SH2D1A: variants seen among roughly 807,000 people sequenced by gnomAD.
The protein encoded by SH2D1A is SH2 domain containing 1A.
A neutral mutation model predicts 10.1 loss-of-function variants in SH2D1A; 6 were observed. That is an observed-to-expected ratio of 0.60 (90% CI 0.33 to 1.18). SH2D1A has a LOEUF of 1.18. Ranked by LOEUF, SH2D1A falls within the 50% of genes most tolerant of loss-of-function variation. The probability of loss-of-function intolerance (pLI) is 0.04; values close to 1 mark genes in which losing one functional copy is unlikely to be tolerated. For missense variants in SH2D1A, 51 were observed against 97.6 expected (o/e 0.52, Z 2.01); for synonymous variants, 42 against 36.9 (o/e 1.14, Z -0.51).
intron 1 of SH2D1A, among the ~76,000 whole-genome samples, chrX:124,360,597 C>A: frequency 1.8e-5 from 1 of 55,499 alleles, no homozygotes; most frequent in Non-Finnish European, 3.1e-5. Flanking sequence ...AGCAAGACAC[C>A]ATTAAAAAAA....
chrX:124,363,756 T>C (rs1296783083), intron 1 of SH2D1A, among the ~76,000 whole-genome samples: 1 of 109,146 alleles, frequency 9.2e-6, no homozygotes, highest in African/African-American at 3.3e-5. Flanking sequence ...TAGCCAGCCA[T>C]GGTGGCATGC....
At chrX:124,347,618 C>T (rs1217639972) in intron 1 of SH2D1A, among the ~76,000 whole-genome samples, 1 of 111,227 alleles carries the variant, frequency 9.0e-6, no homozygotes, top group Non-Finnish European at 1.9e-5. Context: ...AAATTAACCT[C>T]TCAGTTCCCC....
chrX:124,362,887 G>A (rs5956648), intron 1 of SH2D1A, among the ~76,000 whole-genome samples: 1,974 of 110,357 alleles, frequency 0.018, 47 homozygotes, highest in African/African-American at 0.061. Flanking sequence ...CATAAGTGTG[G>A]GGCTCCAATC....
intron 1 of SH2D1A, among the ~76,000 whole-genome samples, chrX:124,354,380 C>A (rs1321920610): frequency 9.0e-6 from 1 of 111,311 alleles, no homozygotes; most frequent in Non-Finnish European, 1.9e-5. Context: ...TCTCAGTGGA[C>A]AGTTCTAGCT....
intron 1 of SH2D1A, among the ~76,000 whole-genome samples, chrX:124,348,533 C>T (rs1385378449): frequency 9.0e-6 from 1 of 111,473 alleles, no homozygotes; most frequent in Non-Finnish European, 1.9e-5. Context: ...CCCAAAATAC[C>T]TTCAGTTCAC....
intron 1 of SH2D1A, among the ~76,000 whole-genome samples, chrX:124,354,430 C>T (rs1417107357): frequency 9.0e-6 from 1 of 110,991 alleles, no homozygotes; most frequent in Non-Finnish European, 1.9e-5. Flanking sequence ...GAGAATTGTG[C>T]TTTTGGAATT....
At chrX:124,371,317 T>G (rs376444472) in intron 3 of SH2D1A, 34 bp from the exon 4 acceptor site, 7 of 993,487 alleles carry the variant, frequency 7.0e-6, no homozygotes, top group East Asian at 6.1e-5. Flanking sequence ...GTTTGTAAGT[T>G]TATTTTTTCT....
chrX:124,367,814 T>A (rs1398565788), intron 2 of SH2D1A, among the ~76,000 whole-genome samples: 1 of 111,913 alleles, frequency 8.9e-6, no homozygotes, highest in African/African-American at 3.2e-5. Context: ...AGACTAAAAG[T>A]TTGTTACATT....
Position 124,365,174 on chromosome X carries a change from T to G in SH2D1A, c.138-587T>G, listed in dbSNP as rs1205526468. ...AAATCACCTAATGATGCACTTCTCA[T>G]AATGTATCCCCCTTGGTAAGTGATG... On this transcript the variant is annotated intron_variant, in intron 1 of 3. Coordinates refer to ENST00000371139, the MANE Select transcript of SH2D1A (RefSeq NM_002351.5). 4.5e-5 allele frequency among the ~76,000 whole-genome samples: 5 copies of G among 110,783 alleles called. No individual in the cohort carries two copies. The East Asian group carries it at 1.4e-3, about 31-fold the overall frequency.
At chrX:124,356,920 T>C (rs1294824097) in intron 1 of SH2D1A, among the ~76,000 whole-genome samples, 1 of 112,552 alleles carries the variant, frequency 8.9e-6, no homozygotes, top group African/African-American at 3.2e-5. Flanking sequence ...GAAATATGTA[T>C]ACATGTGTAA....
chrX:124,368,976 A>C (rs1211360657), intron 2 of SH2D1A, among the ~76,000 whole-genome samples: 1 of 111,215 alleles, frequency 9.0e-6, no homozygotes, highest in Non-Finnish European at 1.9e-5. Context: ...TGGGTGAGAG[A>C]GTGTTCTACA....
Position 124,346,569 on chromosome X carries a change from T to A in SH2D1A, c.-74T>A, listed in dbSNP as rs142160401. 785 of 1,146,915 alleles carry A rather than the reference T, an allele frequency of 6.8e-4. 1 individual carries two copies. The Middle Eastern group carries it at 0.014, about 21-fold the overall frequency. The allele number at this position is 1,146,915 out of a possible 1,213,427, so 94.5% of individuals were successfully genotyped here. ...AACTGGGAGTCAGGTGGTTGACTTG[T>A]GCCTGGCTGCAGTAGCAGCGGCATC... On this transcript the variant is annotated 5_prime_UTR_variant, in exon 1 of 4. Transcript: ENST00000371139.
chrX:124,350,239 TATTATATAA>T, intron 1 of SH2D1A, among the ~76,000 whole-genome samples: 1 of 22,360 alleles, frequency 4.5e-5, no homozygotes, highest in African/African-American at 6.8e-4. Flanking sequence ...TATTATATAA[TATTATATAA>T]TATATAATAT....
intron 1 of SH2D1A, among the ~76,000 whole-genome samples, chrX:124,347,621 A>T (rs1287933879): frequency 9.0e-6 from 1 of 111,240 alleles, no homozygotes; most frequent in Non-Finnish European, 1.9e-5. Context: ...TTAACCTCTC[A>T]GTTCCCCAGT....
chrX:124,347,175 T>C (rs2059995640), intron 1 of SH2D1A, among the ~76,000 whole-genome samples: 1 of 111,733 alleles, frequency 8.9e-6, no homozygotes, highest in Admixed American at 9.4e-5. Flanking sequence ...AAACGACTTT[T>C]GAAGTGTCAT....
chrX:124,363,549 A>C (rs1396244618), intron 1 of SH2D1A, among the ~76,000 whole-genome samples: 1 of 111,184 alleles, frequency 9.0e-6, no homozygotes, highest in Non-Finnish European at 1.9e-5. Context: ...TTACTTATGT[A>C]TTTGTGATGA....
At chrX:124,364,457 A>C (rs1316026690) in intron 1 of SH2D1A, 1 of 266,709 alleles carries the variant, frequency 3.7e-6, no homozygotes, top group East Asian at 1.2e-4. Flanking sequence ...AAAATTTACA[A>C]GTTTATAAAG....
At chrX:124,362,778 T>G (rs1194955156) in intron 1 of SH2D1A, among the ~76,000 whole-genome samples, 1 of 111,144 alleles carries the variant, frequency 9.0e-6, no homozygotes, top group African/African-American at 3.3e-5. Flanking sequence ...ATAATATGTT[T>G]AAGCTCTAAC....
At chrX:124,365,863 G>A in intron 2 of SH2D1A, 39 bp downstream of exon 2, 1 of 861,959 alleles carries the variant, frequency 1.2e-6, no homozygotes, top group East Asian at 3.1e-5. Flanking sequence ...GGGTGTCAAG[G>A]AGGTATTTGA....
Sources: allele counts gnomAD v4.1 joint callset (sites outside exome capture counted in the v4.1 genomes callset), GRCh38; gene constraint gnomAD v4.1.1; transcripts MANE v1.5; gene names NCBI Gene and HGNC (gene_info 2026-07-23, HGNC 2026-07-21).